Variants in RBFOX1 observed in about 807,000 individuals in gnomAD.
RBFOX1 encodes the protein RNA binding protein fox-1 homolog 1.
Under a neutral mutation model 57.7 loss-of-function variants are expected in RBFOX1, and 8 were observed. That is an observed-to-expected ratio of 0.14 (90% CI 0.08 to 0.25). The LOEUF (loss-of-function observed/expected upper bound fraction) is 0.25. Among genes scored for constraint, RBFOX1 ranks in the 10% least tolerant of loss-of-function variants. RBFOX1 has a pLI of 1.00. For synonymous variants in RBFOX1, 326 were observed against 222.4 expected (o/e 1.47, Z -4.15); for missense variants, 611 against 548.5 (o/e 1.11, Z -1.14).
intron 4 of RBFOX1, among the ~76,000 whole-genome samples, chr16:7,162,833 T>C (rs2078651420): frequency 6.6e-6 from 1 of 152,184 alleles, no homozygotes; most frequent in South Asian, 2.1e-4. Flanking sequence ...CTTTTGTTGT[T>C]AAAGAATTAT....
intron 3 of RBFOX1, among the ~76,000 whole-genome samples, chr16:6,877,009 C>T (rs1468700869): frequency 6.6e-6 from 1 of 152,084 alleles, no homozygotes; most frequent in South Asian, 2.1e-4. Flanking sequence ...CAAATGCATA[C>T]TATATTTCTG....
intron 3 of RBFOX1, among the ~76,000 whole-genome samples, chr16:5,856,241 G>T (rs12926074): frequency 1.5e-5 from 1 of 67,038 alleles, no homozygotes; most frequent in African/African-American, 6.3e-5. Flanking sequence ...ATATATATGT[G>T]TATATATATG....
rs372891918 is a variant in RBFOX1, at chr16:7,292,675, G to C, written c.28-225472G>C. On this transcript the variant is annotated intron_variant, in intron 4 of 15. Coordinates refer to ENST00000550418, the MANE Select transcript of RBFOX1 (RefSeq NM_018723.4). Reference sequence around the variant, plus strand: ...TTTTGTCTATGAGGCATGTAAGAACGCTACAATACATGTGCATTAAAAAGT... The same window carrying C: ...TTTTGTCTATGAGGCATGTAAGAACCCTACAATACATGTGCATTAAAAAGT... 1.6e-4 allele frequency among the ~76,000 whole-genome samples: 25 copies of C among 151,740 alleles called. No individual in the cohort carries two copies. In the East Asian group the frequency reaches 4.5e-3, roughly 27 times the overall value.
At chr16:5,434,896 A>G (rs2067869594) in intron 1 of RBFOX1, among the ~76,000 whole-genome samples, 1 of 40,112 alleles carries the variant, frequency 2.5e-5, no homozygotes, top group African/African-American at 1.3e-4. Context: ...ATTCCCCACA[A>G]AGGTAAGATA....
intron 10 of RBFOX1, among the ~76,000 whole-genome samples, chr16:7,620,497 T>A (rs1470126786): frequency 6.6e-6 from 1 of 152,216 alleles, no homozygotes; most frequent in Non-Finnish European, 1.5e-5. Flanking sequence ...GCAAGTAGGA[T>A]TTTTCTTATC....
chr16:7,422,710 G>A (rs987241901), intron 4 of RBFOX1: 4 of 152,036 alleles, frequency 2.6e-5, no homozygotes, highest in African/African-American at 4.8e-5. Flanking sequence ...GAGGAGAGGC[G>A]GCCAATAGTG....
chr16:7,197,306 C>T (rs746057636), intron 4 of RBFOX1, among the ~76,000 whole-genome samples: 1 of 152,036 alleles, frequency 6.6e-6, no homozygotes, highest in Non-Finnish European at 1.5e-5. Flanking sequence ...AAGCAGGAAG[C>T]GACTGAGCTT....
intron 1 of RBFOX1, among the ~76,000 whole-genome samples, chr16:5,288,180 G>T (rs1169158865): frequency 6.6e-6 from 1 of 152,180 alleles, no homozygotes; most frequent in Non-Finnish European, 1.5e-5. Flanking sequence ...GTTTTCAGGA[G>T]CCCAGGAAGC....
At chr16:6,803,572 A>G (rs1025519877) in intron 3 of RBFOX1, among the ~76,000 whole-genome samples, 1 of 152,218 alleles carries the variant, frequency 6.6e-6, no homozygotes, top group East Asian at 1.9e-4. Context: ...TTCTTAAATT[A>G]TGTATGGTGG....
intron 3 of RBFOX1, among the ~76,000 whole-genome samples, chr16:5,829,395 G>T (rs74004637): frequency 6.6e-6 from 1 of 152,232 alleles, no homozygotes; most frequent in Admixed American, 6.5e-5. Context: ...CAGTGAGGGA[G>T]CAAGGGGAAC....
chr16:7,262,307 T>C (rs1038714534), intron 4 of RBFOX1, among the ~76,000 whole-genome samples: 18 of 127,442 alleles, frequency 1.4e-4, no homozygotes, highest in Non-Finnish European at 5.2e-5. Context: ...GATTGCCCAT[T>C]TCTCTATTTT....
chr16:7,326,879 C>T (rs928797644), intron 4 of RBFOX1, among the ~76,000 whole-genome samples: 1 of 152,118 alleles, frequency 6.6e-6, no homozygotes, highest in Non-Finnish European at 1.5e-5. Flanking sequence ...CTGGCAGCCC[C>T]TCCACCTTCC....
At chr16:6,873,301 C>A (rs1008816896) in intron 3 of RBFOX1, among the ~76,000 whole-genome samples, 1 of 152,008 alleles carries the variant, frequency 6.6e-6, no homozygotes, top group Non-Finnish European at 1.5e-5. Flanking sequence ...CTTTTAACAC[C>A]TTGAGCTTCC....
intron 3 of RBFOX1, among the ~76,000 whole-genome samples, chr16:6,878,288 T>C (rs2062218095): frequency 6.6e-6 from 1 of 152,182 alleles, no homozygotes; most frequent in African/African-American, 2.4e-5. Flanking sequence ...ATGAGAGCAG[T>C]TCTGGCTAAT....
chr16:7,105,955 G>C (rs955979885), intron 4 of RBFOX1, among the ~76,000 whole-genome samples: 1 of 152,136 alleles, frequency 6.6e-6, no homozygotes, highest in Non-Finnish European at 1.5e-5. Context: ...TCTTTGTCCA[G>C]TCTTTGTCTG....
intron 7 of RBFOX1, among the ~76,000 whole-genome samples, chr16:7,590,894 T>A (rs975235716): frequency 3.3e-5 from 5 of 150,594 alleles, no homozygotes; most frequent in African/African-American, 1.2e-4. Context: ...AGCTACACTT[T>A]GATCTTTGAT....
chr16:7,164,484 A>G (rs920925254), intron 4 of RBFOX1, among the ~76,000 whole-genome samples: 2 of 152,218 alleles, frequency 1.3e-5, no homozygotes, highest in Admixed American at 1.3e-4. Flanking sequence ...AATAGCCAGT[A>G]GTGGGATTGC....
intron 4 of RBFOX1, among the ~76,000 whole-genome samples, chr16:7,206,119 C>G (rs569530529): frequency 2.0e-5 from 3 of 152,242 alleles, no homozygotes; most frequent in Admixed American, 6.5e-5. Context: ...ACCTGATAGT[C>G]TAATTTAGAA....
chr16:7,332,977 A>G, intron 4 of RBFOX1: 1 of 1,613,138 alleles, frequency 6.2e-7, no homozygotes. Flanking sequence ...TGAGCTTCAG[A>G]GGGAATAATA....
Sources: gnomAD v4.1 joint callset for allele counts (sites outside exome capture counted in the v4.1 genomes callset) on GRCh38, gnomAD v4.1.1 for gene constraint, MANE v1.5 for transcripts, NCBI Gene and HGNC (gene_info 2026-07-23, HGNC 2026-07-21) for gene names.